Variants in ARHGAP22 observed in about 807,000 individuals in gnomAD.
ARHGAP22 encodes the protein Rho GTPase activating protein 22, also known as rho GTPase-activating protein 22.
A neutral mutation model predicts 59.1 loss-of-function variants in ARHGAP22; 48 were observed. The observed-to-expected ratio is 0.81, with a 90% CI of 0.64 to 1.03. The LOEUF (loss-of-function observed/expected upper bound fraction) is 1.03, where lower values mean the gene tolerates loss of function less well. ARHGAP22 is among the 50% of genes least tolerant of loss of function. The probability of loss-of-function intolerance (pLI) is 0.00; values close to 1 mark genes in which losing one functional copy is unlikely to be tolerated. For synonymous variants in ARHGAP22, 445 were observed against 416.4 expected, an observed-to-expected ratio of 1.07 and a Z score of -0.84; for missense variants, 1,015 against 958.7, an observed-to-expected ratio of 1.06 and a Z score of -0.78.
chr10:48,541,377 C>T (rs578082153), intron 3 of ARHGAP22, among the ~76,000 whole-genome samples: 5 of 152,322 alleles, frequency 3.3e-5, no homozygotes, highest in East Asian at 1.9e-4. Flanking sequence ...CCTCCTCCTG[C>T]GCATCACCCC....
intron 3 of ARHGAP22, among the ~76,000 whole-genome samples, chr10:48,509,834 C>T (rs1484145474): frequency 6.6e-6 from 1 of 152,114 alleles, no homozygotes; most frequent in Non-Finnish European, 1.5e-5. Context: ...GGAGGGGGCA[C>T]AGGAAGGAAG....
chr10:48,605,088 C>A, upstream of ARHGAP22: 1 of 1,323,574 alleles, frequency 7.6e-7, no homozygotes. Flanking sequence ...CAGGGCGGGG[C>A]AGTCCCTCCG....
intron 4 of ARHGAP22, 187 bp downstream of exon 4, chr10:48,479,449 G>A (rs2049060220): frequency 2.0e-6 from 2 of 1,001,062 alleles, no homozygotes; most frequent in East Asian, 5.3e-5. Context: ...AGGAGGAAGT[G>A]AGTACACGGC....
chr10:48,483,621 C>G (rs2049557923), intron 3 of ARHGAP22, among the ~76,000 whole-genome samples: 1 of 151,850 alleles, frequency 6.6e-6, no homozygotes, highest in Non-Finnish European at 1.5e-5. Context: ...AAGATGATAT[C>G]TCATTGTGGT....
At chr10:48,518,229 T>C (rs1016414025) in intron 3 of ARHGAP22, among the ~76,000 whole-genome samples, 1 of 152,170 alleles carries the variant, frequency 6.6e-6, no homozygotes, top group Non-Finnish European at 1.5e-5. Flanking sequence ...AGGCCTCAGA[T>C]CTGTCCACGT....
At chr10:48,451,182 C>G in intron 8 of ARHGAP22, 42 bp from the exon 9 acceptor site, 3 of 1,550,232 alleles carry the variant, frequency 1.9e-6, no homozygotes, top group Non-Finnish European at 2.6e-6. Flanking sequence ...CTGCCAGCCA[C>G]TCGGCCCAGG....
At chr10:48,601,961 TG>T (rs1395722147) in intron 1 of ARHGAP22, among the ~76,000 whole-genome samples, 1 of 152,214 alleles carries the variant, frequency 6.6e-6, no homozygotes, top group African/African-American at 2.4e-5. Flanking sequence ...CAGATAGTGT[TG>T]GGTTAGAGAG....
Position 48,456,638 on chromosome 10 carries a change from C to T in ARHGAP22, c.660-1504G>A, listed in dbSNP as rs528697219. Among the ~76,000 whole-genome samples the T allele has an allele frequency of 4.3e-4, 66 of 152,278 alleles. 1 individual carries two copies. The highest frequency in any genetic ancestry group is 1.6e-3 in the African/African-American group (65 of 41,556). On this transcript the variant is annotated intron_variant, in intron 5 of 9. Coordinates refer to ENST00000249601, the MANE Select transcript of ARHGAP22 (RefSeq NM_021226.4). ...GTTGGCAGCCAGCCCGTATGTCTTCCCCTTTTCTGCAGCTGGGGGGATGGG... is the reference window on the plus strand; with the variant it reads ...GTTGGCAGCCAGCCCGTATGTCTTCTCCTTTTCTGCAGCTGGGGGGATGGG...
chr10:48,643,378 A>G (rs1160723388), intron 1 of ARHGAP22, among the ~76,000 whole-genome samples: 1 of 152,164 alleles, frequency 6.6e-6, no homozygotes, highest in Non-Finnish European at 1.5e-5. Context: ...GATAGACTGG[A>G]TTAAGAAAAT....
At chr10:48,580,030 G>A (rs2135589982) in intron 2 of ARHGAP22, among the ~76,000 whole-genome samples, 1 of 152,292 alleles carries the variant, frequency 6.6e-6, no homozygotes, top group African/African-American at 2.4e-5. Flanking sequence ...GGGGAAATGG[G>A]AAGAAGTTTT....
intron 3 of ARHGAP22, among the ~76,000 whole-genome samples, chr10:48,489,676 G>A (rs1446192989): frequency 1.3e-5 from 2 of 151,210 alleles, no homozygotes; most frequent in African/African-American, 4.9e-5. Flanking sequence ...TGTCTGTGTG[G>A]CCACTGTGTT....
intron 3 of ARHGAP22, among the ~76,000 whole-genome samples, chr10:48,496,387 G>C (rs1467830750): frequency 2.0e-5 from 3 of 152,134 alleles, no homozygotes. Context: ...CCACATACAC[G>C]CAATCACATA....
intron 1 of ARHGAP22, among the ~76,000 whole-genome samples, chr10:48,617,232 T>C (rs1309453398): frequency 1.4e-4 from 22 of 152,004 alleles, no homozygotes; most frequent in Non-Finnish European, 3.1e-4. Context: ...AAGAGAGAGA[T>C]AGACCCCAAA....
intron 2 of ARHGAP22, among the ~76,000 whole-genome samples, chr10:48,577,852 GC>G (rs2058844569): frequency 1.8e-5 from 2 of 112,422 alleles, no homozygotes; most frequent in African/African-American, 6.8e-5. Flanking sequence ...TCGCTCTGCT[GC>G]CCAGGCTGAA....
At chr10:48,543,529 T>C (rs1041455579) in intron 3 of ARHGAP22, among the ~76,000 whole-genome samples, 9 of 152,302 alleles carry the variant, frequency 5.9e-5, no homozygotes, top group Admixed American at 2.0e-4. Context: ...AGGGATTAAG[T>C]ATAAAGTTTT....
chr10:48,593,874 A>T (rs2059911183), intron 1 of ARHGAP22, among the ~76,000 whole-genome samples: 1 of 152,250 alleles, frequency 6.6e-6, no homozygotes, highest in Non-Finnish European at 1.5e-5. Context: ...GTGTTTGTAC[A>T]CAGTTAGGTC....
intron 1 of ARHGAP22, among the ~76,000 whole-genome samples, chr10:48,635,069 C>A (rs757155793): frequency 6.6e-6 from 1 of 152,092 alleles, no homozygotes; most frequent in Non-Finnish European, 1.5e-5. Context: ...CATGGCAGCC[C>A]GAGCAGACTC....
At chr10:48,442,236 A>G (rs114303084), downstream of ARHGAP22, among the ~76,000 whole-genome samples, 818 of 152,244 alleles carry the variant, frequency 5.4e-3, 7 homozygotes, top group African/African-American at 0.019. Context: ...GTGCTTTGTC[A>G]TCTGTCCTGT....
At chr10:48,651,750 C>T (rs1371622053) in intron 1 of ARHGAP22, among the ~76,000 whole-genome samples, 1 of 152,160 alleles carries the variant, frequency 6.6e-6, no homozygotes, top group Non-Finnish European at 1.5e-5. Context: ...GGGACCCAAA[C>T]AGACAGTCAC....
Sources: gnomAD v4.1 joint callset for allele counts (sites outside exome capture counted in the v4.1 genomes callset) on GRCh38, gnomAD v4.1.1 for gene constraint, MANE v1.5 for transcripts, NCBI Gene and HGNC (gene_info 2026-07-23, HGNC 2026-07-21) for gene names.